Variants in AIM2 observed in about 807,000 individuals in gnomAD.
AIM2 encodes absent in melanoma 2.
A neutral mutation model predicts 27.7 loss-of-function variants in AIM2; 30 were observed. The observed-to-expected ratio is 1.08, with a 90% CI of 0.81 to 1.47. AIM2 has a LOEUF of 1.47. AIM2 is among the 40% of genes most tolerant of loss of function. AIM2 has a pLI of 0.00. For missense variants in AIM2, 358 were observed against 411.3 expected (o/e 0.87, Z 1.12); for synonymous variants, 141 against 145.3 (o/e 0.97, Z 0.21).
chr1:159,090,309 C>T lies in AIM2; in HGVS notation c.-15-23980G>A, dbSNP rs549431827. Among the ~76,000 whole-genome samples, 4 of 152,332 alleles carry T rather than the reference C, an allele frequency of 2.6e-5. No individual in the cohort carries two copies. In the South Asian group the frequency reaches 6.2e-4, roughly 24 times the overall value. ...TTAACTTCAGTCATATTCACAAATA[C>T]TGTCACTTTAAATAAAGTGCAGGAA... On this transcript the variant is annotated intron_variant, in intron 1 of 2. Coordinates refer to the AIM2 transcript ENST00000368129.
At chr1:159,097,302 G>C (rs1657200446) in intron 1 of AIM2, among the ~76,000 whole-genome samples, 1 of 152,022 alleles carries the variant, frequency 6.6e-6, no homozygotes, top group South Asian at 2.1e-4. Flanking sequence ...TTTCATAACA[G>C]AATAAATTAG....
intron 1 of AIM2, among the ~76,000 whole-genome samples, chr1:159,098,173 T>C (rs925614932): frequency 3.9e-5 from 6 of 152,148 alleles, no homozygotes; most frequent in African/African-American, 1.4e-4. Context: ...TTTTTCACAT[T>C]GAACTTTCAT....
At chr1:159,114,344 A>G (rs1260466566) in intron 1 of AIM2, among the ~76,000 whole-genome samples, 1 of 152,226 alleles carries the variant, frequency 6.6e-6, no homozygotes, top group East Asian at 1.9e-4. Flanking sequence ...AATTAGAACA[A>G]CTGTGGCCTT....
chr1:159,097,308 A>C (rs1490303549), intron 1 of AIM2, among the ~76,000 whole-genome samples: 1 of 152,112 alleles, frequency 6.6e-6, no homozygotes, highest in East Asian at 1.9e-4. Context: ...AACAGAATAA[A>C]TTAGAAGGAA....
At chr1:159,122,578 C>T (rs1355231354) in intron 1 of AIM2, among the ~76,000 whole-genome samples, 1 of 152,176 alleles carries the variant, frequency 6.6e-6, no homozygotes, top group African/African-American at 2.4e-5. Context: ...AGGAGGATTA[C>T]TTGGGACACA....
intron 1 of AIM2, among the ~76,000 whole-genome samples, chr1:159,093,771 C>T (rs1657105635): frequency 6.6e-6 from 1 of 151,246 alleles, no homozygotes; most frequent in Admixed American, 6.6e-5. Context: ...GAGTCTTGTT[C>T]TGTCACCAGG....
At chr1:159,106,559 G>T (rs544819849) in intron 1 of AIM2, among the ~76,000 whole-genome samples, 21 of 152,346 alleles carry the variant, frequency 1.4e-4, no homozygotes, top group South Asian at 4.1e-4. Context: ...TATCCATTCA[G>T]ATCTGGGTGG....
intron 1 of AIM2, among the ~76,000 whole-genome samples, chr1:159,095,727 T>C (rs1657166083): frequency 1.3e-5 from 2 of 152,316 alleles, no homozygotes; most frequent in Admixed American, 1.3e-4. Flanking sequence ...TCTGTAGTGG[T>C]TAGAAGTATT....
upstream of AIM2, among the ~76,000 whole-genome samples, chr1:159,079,808 T>G (rs1216621095): frequency 6.6e-6 from 1 of 152,108 alleles, no homozygotes; most frequent in Non-Finnish European, 1.5e-5. Flanking sequence ...ACAGGGTGGT[T>G]TCCCTGCCCT....
At chr1:159,108,206 C>A (rs1449351925) in intron 1 of AIM2, among the ~76,000 whole-genome samples, 2 of 152,070 alleles carry the variant, frequency 1.3e-5, no homozygotes, top group African/African-American at 4.8e-5. Context: ...TAGTACACCA[C>A]GTTCAAGTGG....
intron 1 of AIM2, among the ~76,000 whole-genome samples, chr1:159,098,177 C>A (rs1657219881): frequency 6.6e-6 from 1 of 152,056 alleles, no homozygotes; most frequent in Non-Finnish European, 1.5e-5. Context: ...TCACATTGAA[C>A]TTTCATCTCA....
At chr1:159,094,360 A>G (rs1657122343) in intron 1 of AIM2, among the ~76,000 whole-genome samples, 1 of 152,172 alleles carries the variant, frequency 6.6e-6, no homozygotes, top group South Asian at 2.1e-4. Flanking sequence ...TTTACATCTT[A>G]AACATGTGCT....
At chr1:159,103,211 C>T (rs1244552845) in intron 1 of AIM2, among the ~76,000 whole-genome samples, 2 of 152,206 alleles carry the variant, frequency 1.3e-5, no homozygotes, top group African/African-American at 4.8e-5. Flanking sequence ...TGTCTCCTGA[C>T]ACCCTGTGAA....
upstream of AIM2, chr1:159,076,824 G>A (rs953367656): frequency 3.9e-5 from 6 of 152,256 alleles, no homozygotes; most frequent in Non-Finnish European, 5.9e-5. Flanking sequence ...GCCCAGTGTG[G>A]GTAGGAGTGA....
At chr1:159,089,089 T>A (rs1169446577) in intron 1 of AIM2, among the ~76,000 whole-genome samples, 1 of 152,190 alleles carries the variant, frequency 6.6e-6, no homozygotes, top group African/African-American at 2.4e-5. Context: ...ACGAATTTCT[T>A]AAGAAAACTT....
At chr1:159,102,335 A>G (rs1657334184) in intron 1 of AIM2, among the ~76,000 whole-genome samples, 1 of 152,220 alleles carries the variant, frequency 6.6e-6, no homozygotes, top group Admixed American at 6.5e-5. Context: ...GTCTAGGCAG[A>G]GGTGTGCTGC....
intron 1 of AIM2, among the ~76,000 whole-genome samples, chr1:159,112,506 A>G (rs577485517): frequency 5.3e-5 from 8 of 152,336 alleles, no homozygotes; most frequent in East Asian, 1.9e-4. Context: ...TCTTATTTCA[A>G]TAAGTTATAA....
chr1:159,075,413 A>T (rs1656558654), intron 1 of AIM2, among the ~76,000 whole-genome samples: 1 of 151,874 alleles, frequency 6.6e-6, no homozygotes, highest in East Asian at 1.9e-4. Flanking sequence ...GAAAAAAAAA[A>T]TTTGTCAAAT....
chr1:159,123,886 T>C (rs1278482589), intron 1 of AIM2, among the ~76,000 whole-genome samples: 1 of 152,200 alleles, frequency 6.6e-6, no homozygotes, highest in East Asian at 1.9e-4. Context: ...TAGATTTTTT[T>C]CTCAAATACC....
Sources: gnomAD v4.1 joint callset for allele counts (sites outside exome capture counted in the v4.1 genomes callset) on GRCh38, gnomAD v4.1.1 for gene constraint, MANE v1.5 for transcripts, NCBI Gene and HGNC (gene_info 2026-07-23, HGNC 2026-07-21) for gene names.